The following PRR16 variants were observed in gnomAD, a reference collection of about 807,000 sequenced individuals.
PRR16 encodes the protein protein Largen.
PRR16 carries 6 observed loss-of-function variants against 18.2 expected under a neutral mutation model. The ratio of observed to expected loss-of-function variants is 0.33; its 90% CI spans 0.18 to 0.65. The LOEUF (loss-of-function observed/expected upper bound fraction) is 0.65. Ranked by LOEUF, PRR16 falls within the 30% of genes least tolerant of loss-of-function variation. PRR16 has a pLI of 0.74. For missense variants in PRR16, 412 were observed against 376.6 expected (o/e 1.09, Z -0.78); for synonymous variants, 151 against 147.8 (o/e 1.02, Z -0.16).
intron 1 of PRR16, among the ~76,000 whole-genome samples, chr5:120,624,593 C>T (rs1754800509): frequency 6.6e-6 from 1 of 152,130 alleles, no homozygotes; most frequent in South Asian, 2.1e-4. Flanking sequence ...ATCTCTGTGC[C>T]TCAGTTATCT....
chr5:120,787,972 C>T, the PRR16 span, among the ~76,000 whole-genome samples: 1 of 151,916 alleles, frequency 6.6e-6, no homozygotes, highest in East Asian at 1.9e-4. Context: ...TACTCTCTCT[C>T]TTGCTTCTAT....
intron 1 of PRR16, among the ~76,000 whole-genome samples, chr5:120,509,327 A>G (rs1388188508): frequency 2.0e-5 from 3 of 152,056 alleles, no homozygotes; most frequent in African/African-American, 7.2e-5. Flanking sequence ...ACTGTTTACA[A>G]CCATATGCTT....
At chr5:120,712,401 TTG>T in the PRR16 span, among the ~76,000 whole-genome samples, 1 of 152,166 alleles carries the variant, frequency 6.6e-6, no homozygotes, top group Admixed American at 6.5e-5. Flanking sequence ...TTTCCCACTG[TTG>T]TACTGTTTCT....
chr5:120,470,369 G>T (rs1315656629), intron 1 of PRR16, among the ~76,000 whole-genome samples: 3 of 151,956 alleles, frequency 2.0e-5, no homozygotes, highest in Non-Finnish European at 2.9e-5. Context: ...ATATAAAGGA[G>T]AAAACAAAAA....
At chr5:120,787,696 G>A in the PRR16 span, among the ~76,000 whole-genome samples, 1 of 152,102 alleles carries the variant, frequency 6.6e-6, no homozygotes, top group Non-Finnish European at 1.5e-5. Flanking sequence ...GAAAGCATCT[G>A]CAACTGTACT....
chr5:120,482,530 T>C (rs138519133), intron 1 of PRR16, among the ~76,000 whole-genome samples: 2 of 152,310 alleles, frequency 1.3e-5, no homozygotes, highest in African/African-American at 2.4e-5. Flanking sequence ...CATTCCACCA[T>C]TGATGGGCAC....
the PRR16 span, among the ~76,000 whole-genome samples, chr5:120,725,960 A>G: frequency 2.0e-5 from 3 of 152,084 alleles, no homozygotes; most frequent in African/African-American, 7.2e-5. Flanking sequence ...GAGACTCCAG[A>G]GCTGTGGGTG....
At chr5:120,764,459 C>G in the PRR16 span, among the ~76,000 whole-genome samples, 50 of 151,720 alleles carry the variant, frequency 3.3e-4, no homozygotes, top group Admixed American at 7.2e-4. Flanking sequence ...GTTTACTTTG[C>G]TAGTATTTTG....
chr5:120,776,685 C>T, the PRR16 span, among the ~76,000 whole-genome samples: 1 of 152,008 alleles, frequency 6.6e-6, no homozygotes, highest in Non-Finnish European at 1.5e-5. Flanking sequence ...AGAGAGATAA[C>T]AGATATTGTT....
At chr5:120,624,229 T>A (rs1754786877) in intron 1 of PRR16, among the ~76,000 whole-genome samples, 1 of 152,096 alleles carries the variant, frequency 6.6e-6, no homozygotes, top group African/African-American at 2.4e-5. Context: ...AAAGCTTTAG[T>A]TTTTCATCAT....
At chr5:120,509,627 G>A (rs1237473078) in intron 1 of PRR16, among the ~76,000 whole-genome samples, 1 of 152,124 alleles carries the variant, frequency 6.6e-6, no homozygotes, top group Non-Finnish European at 1.5e-5. Flanking sequence ...GAGAAGAGGA[G>A]CTATAAATTT....
At chr5:120,651,951 C>T (rs1352316911) in intron 1 of PRR16, among the ~76,000 whole-genome samples, 1 of 152,000 alleles carries the variant, frequency 6.6e-6, no homozygotes, top group African/African-American at 2.4e-5. Flanking sequence ...TTGATTCTTC[C>T]TACCCATGAG....
intron 1 of PRR16, among the ~76,000 whole-genome samples, chr5:120,558,975 A>G (rs1319955337): frequency 6.6e-6 from 1 of 151,838 alleles, no homozygotes; most frequent in Non-Finnish European, 1.5e-5. Flanking sequence ...TATTTTGCCC[A>G]TTTTAATTGG....
chr5:120,730,222 A>G, the PRR16 span, among the ~76,000 whole-genome samples: 4 of 152,142 alleles, frequency 2.6e-5, no homozygotes, highest in African/African-American at 9.7e-5. Context: ...TACTTTAGAT[A>G]TTTAATCTTA....
chr5:120,666,719 T>C (rs1460102408), intron 1 of PRR16, among the ~76,000 whole-genome samples: 3 of 147,772 alleles, frequency 2.0e-5, no homozygotes, highest in African/African-American at 7.5e-5. Context: ...GAGATAATCA[T>C]GTGGTTTTTG....
At chr5:120,679,061 T>G (rs918052803) in intron 1 of PRR16, among the ~76,000 whole-genome samples, 2 of 152,194 alleles carry the variant, frequency 1.3e-5, no homozygotes, top group African/African-American at 4.8e-5. Flanking sequence ...TATCACTATT[T>G]TTAATTATTC....
At chr5:120,497,354 A>T (rs1486532774) in intron 1 of PRR16, among the ~76,000 whole-genome samples, 1 of 127,652 alleles carries the variant, frequency 7.8e-6, no homozygotes, top group African/African-American at 3.1e-5. Context: ...TAGTTCTATC[A>T]GTTTTTGCTT....
chr5:120,686,231 C>T lies in PRR16; in HGVS notation c.437C>T (p.Pro146Leu), dbSNP rs267600324. 4 of 1,614,116 alleles carry T rather than the reference C, an allele frequency of 2.5e-6. No homozygotes were observed. Among genetic ancestry groups the T allele is most frequent in the Non-Finnish European group, 3.4e-6 (4 of 1,180,026 alleles). Residue 146 changes from proline (P) to leucine (L), a missense_variant, in exon 2 of 2, where the codon CCT (proline) becomes CTT (leucine). Physicochemically the swap from Pro to Leu is moderately conservative, Grantham distance 98. Transcript: ENST00000407149. ...AAAAGGGTGGTTCCAACTGCCAATC[C>T]TGTAAAAACCAATGGCACCCTTCTA... ...DPKRVVPTAN[P>L]VKTNGTLLRN...
intron 1 of PRR16, among the ~76,000 whole-genome samples, chr5:120,545,226 C>G (rs140916133): frequency 1.6e-3 from 242 of 152,152 alleles, no homozygotes; most frequent in African/African-American, 4.9e-3. Context: ...GCATCCTTGT[C>G]TCTTCCAAAT....
Sources: allele counts gnomAD v4.1 joint callset (sites outside exome capture counted in the v4.1 genomes callset), GRCh38; gene constraint gnomAD v4.1.1; transcripts MANE v1.5; gene names NCBI Gene and HGNC (gene_info 2026-07-23, HGNC 2026-07-21).